Variants in RPS6KA2 observed in about 807,000 individuals in gnomAD.
The protein encoded by RPS6KA2 is ribosomal protein S6 kinase alpha-2.
Under a neutral mutation model 91.8 loss-of-function variants are expected in RPS6KA2, and 42 were observed. The ratio of observed to expected loss-of-function variants is 0.46; its 90% CI spans 0.36 to 0.59. The LOEUF (loss-of-function observed/expected upper bound fraction) is 0.59. Among genes scored for constraint, RPS6KA2 ranks in the 20% least tolerant of loss-of-function variants. The pLI, the probability that RPS6KA2 is intolerant of heterozygous loss-of-function variation, is 0.00. For synonymous variants in RPS6KA2, 414 were observed against 393.6 expected, an observed-to-expected ratio of 1.05 and a Z score of -0.61; for missense variants, 798 against 978.5, an observed-to-expected ratio of 0.82 and a Z score of 2.46.
intron 11 of RPS6KA2, among the ~76,000 whole-genome samples, chr6:166,461,768 C>T (rs1009525232): frequency 2.0e-5 from 3 of 152,152 alleles, no homozygotes; most frequent in Admixed American, 6.5e-5. Flanking sequence ...TGTTTACCTC[C>T]GGAAAGCAGG....
chr6:166,832,331 A>G (rs949631090), intron 2 of RPS6KA2, among the ~76,000 whole-genome samples: 1 of 152,152 alleles, frequency 6.6e-6, no homozygotes, highest in African/African-American at 2.4e-5. Flanking sequence ...CCAGGCTCTC[A>G]GCACATGTTT....
chr6:166,636,084 A>G (rs1787232585), intron 2 of RPS6KA2, among the ~76,000 whole-genome samples: 2 of 152,302 alleles, frequency 1.3e-5, no homozygotes, highest in African/African-American at 4.8e-5. Flanking sequence ...TGACTCTGCT[A>G]CAAAGACCCT....
intron 1 of RPS6KA2, among the ~76,000 whole-genome samples, chr6:166,618,796 T>C (rs1322743437): frequency 6.6e-6 from 1 of 152,190 alleles, no homozygotes; most frequent in African/African-American, 2.4e-5. Flanking sequence ...CAGGTCACAC[T>C]CCCTTCCCTC....
At position 166,500,323 on chromosome 6, in the gene RPS6KA2, C is replaced by T. The variant is rs1029231559; in HGVS notation, c.604+564G>A. The stretch of plus-strand genomic sequence containing the variant: ...TAGGGAACTAATACAAATGGGGTGT[C>T]CTGAGACTAGAGGAGCTGTTGCCAG... On this transcript the variant is annotated intron_variant, in intron 7 of 20. Transcript: ENST00000265678. The surrounding 1 kb of genome is among the most constrained non-coding windows in gnomAD (Gnocchi z 4.3). Among the ~76,000 whole-genome samples, 2 of 152,172 alleles carry T rather than the reference C, an allele frequency of 1.3e-5. No homozygotes were observed. Among genetic ancestry groups the T allele is most frequent in the African/African-American group, 2.4e-5 (1 of 41,430 alleles).
At chr6:166,823,856 G>A (rs1779965250) in intron 2 of RPS6KA2, among the ~76,000 whole-genome samples, 1 of 152,152 alleles carries the variant, frequency 6.6e-6, no homozygotes, top group East Asian at 1.9e-4. Context: ...AAGGTCTTAC[G>A]ATACCACATG....
At chr6:166,843,824 AC>A (rs1365928297) in intron 2 of RPS6KA2, among the ~76,000 whole-genome samples, 1 of 152,136 alleles carries the variant, frequency 6.6e-6, no homozygotes, top group Non-Finnish European at 1.5e-5. Context: ...ATGAGAAGGA[AC>A]CAGAAAACAA....
In RPS6KA2 at chr6:166,557,314, C is replaced by T. The variant is rs777764996; in HGVS notation, c.100-18530G>A. ...TCCCAAGAACAGCCCGCAGGGAAGA[C>T]GCCCAAAACCTAAATCGACATAAAC... On this transcript the variant is annotated intron_variant, in intron 1 of 20. Coordinates refer to ENST00000265678, the MANE Select transcript of RPS6KA2 (RefSeq NM_021135.6). This position sits in a 1 kb window ranked among gnomAD's most constrained non-coding sequence, Gnocchi z 4.8. Among the ~76,000 whole-genome samples the T allele has an allele frequency of 2.0e-5, 3 of 152,222 alleles. No individual in the cohort carries two copies. The highest frequency in any genetic ancestry group is 4.8e-5 in the African/African-American group (2 of 41,458).
At chr6:166,685,636 C>A (rs946304033) in intron 2 of RPS6KA2, among the ~76,000 whole-genome samples, 1 of 152,194 alleles carries the variant, frequency 6.6e-6, no homozygotes, top group Non-Finnish European at 1.5e-5. Flanking sequence ...GCTCCCACTG[C>A]ATCCCAGCTT....
At position 166,518,098 on chromosome 6, in the gene RPS6KA2, C is replaced by T. The variant is rs116821692; in HGVS notation, c.299-7741G>A. Reference sequence around the variant, plus strand: ...CACTGAGCTGGTCTTGGCACCTGAGCAACATGGTAAAACCCTGTCTCTACT... The same window carrying T: ...CACTGAGCTGGTCTTGGCACCTGAGTAACATGGTAAAACCCTGTCTCTACT... On this transcript the variant is annotated intron_variant, in intron 3 of 20. Transcript: ENST00000265678. Among the ~76,000 whole-genome samples the T allele has an allele frequency of 9.2e-3, 1,394 of 151,900 alleles. 17 individuals are homozygous for T. The highest frequency in any genetic ancestry group is 0.032 in the African/African-American group (1,331 of 41,400).
intron 2 of RPS6KA2, among the ~76,000 whole-genome samples, chr6:166,729,543 T>C (rs572968605): frequency 2.5e-3 from 386 of 152,308 alleles, no homozygotes; most frequent in Non-Finnish European, 4.7e-3. Flanking sequence ...AATTTTGCCA[T>C]GTTGCCCAAG....
chr6:166,851,983 T>C (rs771312093), intron 2 of RPS6KA2, among the ~76,000 whole-genome samples: 5 of 152,204 alleles, frequency 3.3e-5, no homozygotes, highest in Non-Finnish European at 5.9e-5. Context: ...TTTTTCTTCT[T>C]TTCTGCCTCA....
chr6:166,431,027 A>G (rs1018533196), intron 15 of RPS6KA2, among the ~76,000 whole-genome samples: 3 of 152,160 alleles, frequency 2.0e-5, no homozygotes, highest in African/African-American at 7.2e-5. Flanking sequence ...TCCTGGGTTC[A>G]AGCGATTCTC....
chr6:166,463,709 T>C (rs1780415404), intron 11 of RPS6KA2, among the ~76,000 whole-genome samples: 1 of 152,206 alleles, frequency 6.6e-6, no homozygotes, highest in African/African-American at 2.4e-5. Flanking sequence ...TAGACGGTTT[T>C]GGCTTCAGGC....
At chr6:166,649,104 T>C (rs1031672361) in intron 2 of RPS6KA2, among the ~76,000 whole-genome samples, 7 of 152,212 alleles carry the variant, frequency 4.6e-5, no homozygotes, top group Non-Finnish European at 1.0e-4. Flanking sequence ...AAACGTGGCC[T>C]CATTTGTCAC....
At chr6:166,723,062 C>T (rs1790225197) in intron 2 of RPS6KA2, among the ~76,000 whole-genome samples, 1 of 152,182 alleles carries the variant, frequency 6.6e-6, no homozygotes, top group Non-Finnish European at 1.5e-5. Context: ...AGTAAAAGAG[C>T]CCAGAATACT....
At chr6:166,836,766 G>A (rs1241053387) in intron 2 of RPS6KA2, among the ~76,000 whole-genome samples, 3 of 152,206 alleles carry the variant, frequency 2.0e-5, no homozygotes, top group Non-Finnish European at 2.9e-5. Context: ...GTTTTGGTAT[G>A]TGTCTTCGAA....
At chr6:166,510,553 T>TCA (rs1782431613) in intron 3 of RPS6KA2, among the ~76,000 whole-genome samples, 196 bp from the exon 4 acceptor site, 3 of 54,126 alleles carry the variant, frequency 5.5e-5, no homozygotes, top group Non-Finnish European at 1.0e-4. Flanking sequence ...TTTCTCTCTC[T>TCA]CATATATATA....
At chr6:166,862,131 C>G (rs1397005658) in exon 1 of RPS6KA2, 1 of 1,614,212 alleles carries the variant, frequency 6.2e-7, no homozygotes, top group East Asian at 2.2e-5. Context: ...GGCTCCACCT[C>G]GATCTTTTTC....
chr6:166,553,339 G>T (rs1784075281), intron 1 of RPS6KA2, among the ~76,000 whole-genome samples: 1 of 151,978 alleles, frequency 6.6e-6, no homozygotes, highest in Admixed American at 6.5e-5. Flanking sequence ...GCCCAGGCAG[G>T]TCTCAAACTC....
Sources: allele counts gnomAD v4.1 joint callset (sites outside exome capture counted in the v4.1 genomes callset), GRCh38; gene constraint gnomAD v4.1.1; non-coding constraint Gnocchi (gnomAD v3.1); transcripts MANE v1.5; gene names NCBI Gene and HGNC (gene_info 2026-07-23, HGNC 2026-07-21).